The following MSI2 variants were observed in gnomAD, a reference collection of about 807,000 sequenced individuals.
MSI2 encodes the protein musashi RNA binding protein 2.
Under a neutral mutation model 45.6 loss-of-function variants are expected in MSI2, and 17 were observed. That is an observed-to-expected ratio of 0.37 (90% CI 0.26 to 0.56). The LOEUF (loss-of-function observed/expected upper bound fraction) is 0.56, where lower values mean the gene tolerates loss of function less well. Ranked by LOEUF, MSI2 falls within the 20% of genes least tolerant of loss-of-function variation. MSI2 has a pLI of 0.77. For missense variants in MSI2, 293 were observed against 444.2 expected, an observed-to-expected ratio of 0.66 and a Z score of 3.06; for synonymous variants, 156 against 158.2, an observed-to-expected ratio of 0.99 and a Z score of 0.11.
chr17:57,341,450 G>A (rs11656832), intron 5 of MSI2, among the ~76,000 whole-genome samples: 19,838 of 152,184 alleles, frequency 0.13, 1,400 homozygotes, highest in Non-Finnish European at 0.16. Flanking sequence ...TACATCCTGG[G>A]TTGGTCCTCA....
chr17:57,277,780 G>A (rs34271660), intron 5 of MSI2: 7,301 of 152,286 alleles, frequency 0.048, 248 homozygotes, highest in South Asian at 0.097. Context: ...GACAGTGTTC[G>A]TAAAGTACAC....
At chr17:57,346,859 G>A (rs924669554) in intron 5 of MSI2, among the ~76,000 whole-genome samples, 8 of 152,078 alleles carry the variant, frequency 5.3e-5, no homozygotes, top group Admixed American at 2.6e-4. Context: ...TGCCTGTCCC[G>A]GCCTCCCAAA....
chr17:57,489,629 C>A (rs2085828572), intron 6 of MSI2, among the ~76,000 whole-genome samples: 1 of 152,216 alleles, frequency 6.6e-6, no homozygotes, highest in Non-Finnish European at 1.5e-5. Context: ...ACTCAGCCAG[C>A]ACTGGCTCCT....
intron 5 of MSI2, among the ~76,000 whole-genome samples, chr17:57,306,320 G>T (rs1413019277): frequency 6.6e-6 from 1 of 152,060 alleles, no homozygotes; most frequent in Non-Finnish European, 1.5e-5. Flanking sequence ...ATGAGAGAGA[G>T]AGAAAGAGCT....
chr17:57,507,219 GTC>G (rs796078434), intron 6 of MSI2, among the ~76,000 whole-genome samples: 4,325 of 74,382 alleles, frequency 0.058, 300 homozygotes, highest in South Asian at 0.1. Flanking sequence ...TTTTGTCTTT[GTC>G]TCTCTGTGTG....
At chr17:57,651,089 T>C (rs1183022749) in intron 10 of MSI2, among the ~76,000 whole-genome samples, 2 of 152,138 alleles carry the variant, frequency 1.3e-5, no homozygotes, top group East Asian at 3.8e-4. Context: ...GGAGTGTATC[T>C]GTGTATGTCC....
rs1375627266 is a variant in MSI2, at chr17:57,683,480, A to G, written c.*3963A>G. 4.4e-6 allele frequency: 1 copy of G among 229,710 alleles called. No homozygotes were observed. Among genetic ancestry groups the G allele is most frequent in the African/African-American group, 2.2e-5 (1 of 45,198 alleles). The allele number at this position is 229,710 out of a possible 1,614,324, so 14.2% of individuals were successfully genotyped here. A position where few individuals can be genotyped will look rare whatever the true frequency, so the allele number is the denominator to read the frequency against. Reference sequence around the variant, plus strand: ...CACCTCCACACTGCTTCATTCTGCCATTCACTCACTGCAGCATATTCAAGA... The same window carrying G: ...CACCTCCACACTGCTTCATTCTGCCGTTCACTCACTGCAGCATATTCAAGA... On this transcript the variant is annotated 3_prime_UTR_variant, in exon 14 of 14. Coordinates refer to ENST00000284073, the MANE Select transcript of MSI2 (RefSeq NM_138962.4). This position sits in a 1 kb window ranked among gnomAD's most constrained non-coding sequence, Gnocchi z 5.2.
chr17:57,349,373 C>T (rs372897763), intron 5 of MSI2, among the ~76,000 whole-genome samples: 15 of 152,174 alleles, frequency 9.9e-5, no homozygotes, highest in Admixed American at 3.3e-4. Flanking sequence ...TGAACACTCA[C>T]GGAGAACGAA....
rs76713176 is a variant in MSI2, at chr17:57,596,522, G to C, written c.455-346G>C. On this transcript the variant is annotated intron_variant, in intron 7 of 13. Coordinates refer to ENST00000284073, the MANE Select transcript of MSI2 (RefSeq NM_138962.4). This position sits in a 1 kb window ranked among gnomAD's most constrained non-coding sequence, Gnocchi z 4.6. ...CAAGCGTGGCCCCGCAGTGATCCAC[G>C]AGGCTCTGGTTAGCCCACCCGCCTG... Among the ~76,000 whole-genome samples the C allele has an allele frequency of 1.3e-5, 2 of 152,216 alleles. No homozygotes were observed. Among genetic ancestry groups the C allele is most frequent in the Non-Finnish European group, 2.9e-5 (2 of 68,030 alleles).
intron 6 of MSI2, among the ~76,000 whole-genome samples, chr17:57,525,278 G>T (rs971777139): frequency 1.3e-5 from 2 of 151,902 alleles, no homozygotes; most frequent in Non-Finnish European, 2.9e-5. Flanking sequence ...TTTTTGGGGG[G>T]GGCAGGTGGG....
the MSI2 span, among the ~76,000 whole-genome samples, chr17:57,700,756 G>A: frequency 1.3e-5 from 2 of 152,132 alleles, no homozygotes; most frequent in Non-Finnish European, 2.9e-5. Context: ...TACAAAAATA[G>A]CTGGGCGTGG....
intron 6 of MSI2, among the ~76,000 whole-genome samples, chr17:57,418,487 C>T (rs959612856): frequency 6.6e-6 from 1 of 152,194 alleles, no homozygotes; most frequent in Non-Finnish European, 1.5e-5. Flanking sequence ...CAGGCATAAG[C>T]CCCTGTCAGT....
chr17:57,318,879 A>G (rs970357919), intron 5 of MSI2, among the ~76,000 whole-genome samples: 6 of 152,172 alleles, frequency 3.9e-5, no homozygotes, highest in African/African-American at 1.2e-4. Context: ...TTCCTAATGT[A>G]GGTTATGGAG....
At chr17:57,428,001 T>C (rs1041279196) in intron 6 of MSI2, among the ~76,000 whole-genome samples, 1 of 152,178 alleles carries the variant, frequency 6.6e-6, no homozygotes, top group Non-Finnish European at 1.5e-5. Context: ...ATATTTTCAC[T>C]GTCTCAGCAA....
At chr17:57,281,399 T>C (rs1909406770) in intron 5 of MSI2, among the ~76,000 whole-genome samples, 2 of 152,198 alleles carry the variant, frequency 1.3e-5, no homozygotes, top group African/African-American at 4.8e-5. Context: ...CATACTTCCC[T>C]ACTGAACTCC....
intron 6 of MSI2, among the ~76,000 whole-genome samples, chr17:57,526,408 T>TGTGTGTGA (rs1176865306): frequency 4.2e-5 from 5 of 118,538 alleles, no homozygotes; most frequent in African/African-American, 6.5e-5. Flanking sequence ...TGTGTGTGTG[T>TGTGTGTGA]GACAGAGAGA....
At chr17:57,526,587 T>C (rs74411683) in intron 6 of MSI2, among the ~76,000 whole-genome samples, 1,870 of 152,142 alleles carry the variant, frequency 0.012, 28 homozygotes, top group South Asian at 0.086. Flanking sequence ...AGACTGTGTT[T>C]TTCATTCTAT....
intron 6 of MSI2, among the ~76,000 whole-genome samples, chr17:57,410,257 T>C (rs1273397809): frequency 6.6e-6 from 1 of 152,140 alleles, no homozygotes; most frequent in Non-Finnish European, 1.5e-5. Context: ...AGGGTCAGCA[T>C]CTTCCTTGAC....
chr17:57,362,929 T>G (rs1916917472), intron 5 of MSI2, among the ~76,000 whole-genome samples: 1 of 152,204 alleles, frequency 6.6e-6, no homozygotes, highest in Admixed American at 6.5e-5. Context: ...TAAAATGGTG[T>G]AGCCACTGTA....
Sources: gnomAD v4.1 joint callset for allele counts (sites outside exome capture counted in the v4.1 genomes callset) on GRCh38, gnomAD v4.1.1 for gene constraint, Gnocchi (gnomAD v3.1) non-coding constraint, MANE v1.5 for transcripts, NCBI Gene and HGNC (gene_info 2026-07-23, HGNC 2026-07-21) for gene names.